Variants in GALNTL6 observed in about 807,000 individuals in gnomAD.
GALNTL6 encodes polypeptide N-acetylgalactosaminyltransferase like 6.
In GALNTL6, 46 loss-of-function variants were observed where a neutral mutation model predicts 73.7. That is an observed-to-expected ratio of 0.62 (90% CI 0.49 to 0.80). The LOEUF (loss-of-function observed/expected upper bound fraction) is 0.80. GALNTL6 is among the 30% of genes least tolerant of loss of function. The pLI is 0.00. For synonymous variants in GALNTL6, 259 were observed against 263.7 expected (o/e 0.98, Z 0.17); for missense variants, 604 against 755.0 (o/e 0.80, Z 2.34).
intron 2 of GALNTL6, among the ~76,000 whole-genome samples, chr4:171,868,041 C>T (rs1283515331): frequency 1.4e-5 from 2 of 147,348 alleles, no homozygotes; most frequent in Admixed American, 6.9e-5. Flanking sequence ...GGCTGGAGTG[C>T]AGTGGCATGA....
At chr4:172,278,892 T>C (rs529560396) in intron 3 of GALNTL6, among the ~76,000 whole-genome samples, 1 of 152,218 alleles carries the variant, frequency 6.6e-6, no homozygotes, top group Admixed American at 6.5e-5. Flanking sequence ...TGGACTGCAA[T>C]AGAGTCCAGA....
At chr4:172,958,683 A>T (rs1749880837) in intron 10 of GALNTL6, among the ~76,000 whole-genome samples, 1 of 152,176 alleles carries the variant, frequency 6.6e-6, no homozygotes, top group Non-Finnish European at 1.5e-5. Flanking sequence ...TAGGTAACAG[A>T]TGAGGAAGAA....
At chr4:172,253,015 G>A (rs982716554) in intron 3 of GALNTL6, among the ~76,000 whole-genome samples, 2 of 152,082 alleles carry the variant, frequency 1.3e-5, no homozygotes, top group Admixed American at 1.3e-4. Context: ...TACAAAAGCT[G>A]CACTTTTCTG....
intron 5 of GALNTL6, among the ~76,000 whole-genome samples, chr4:172,410,974 G>A (rs559597158): frequency 2.2e-4 from 33 of 152,064 alleles, no homozygotes; most frequent in African/African-American, 8.0e-4. Flanking sequence ...TTCACTTTAG[G>A]CAAAACAAGC....
intron 6 of GALNTL6, among the ~76,000 whole-genome samples, chr4:172,812,695 G>C (rs763141771): frequency 6.6e-6 from 1 of 152,078 alleles, no homozygotes; most frequent in Non-Finnish European, 1.5e-5. Context: ...TTGTTAAGCA[G>C]AGGTTGCATC....
chr4:172,647,440 G>A (rs1740290003), intron 5 of GALNTL6, among the ~76,000 whole-genome samples: 1 of 152,082 alleles, frequency 6.6e-6, no homozygotes, highest in Non-Finnish European at 1.5e-5. Context: ...GTTGGGATAG[G>A]TGAGAGCAGG....
chr4:171,895,277 G>C (rs1736874850), intron 2 of GALNTL6, among the ~76,000 whole-genome samples: 1 of 152,146 alleles, frequency 6.6e-6, no homozygotes. Context: ...CTGGGAGTAG[G>C]GACTGTTAGC....
chr4:171,983,561 G>T (rs757168903), intron 2 of GALNTL6, among the ~76,000 whole-genome samples: 1 of 151,684 alleles, frequency 6.6e-6, no homozygotes, highest in African/African-American at 2.4e-5. Context: ...GTGCCATCAC[G>T]GCTCATTATA....
intron 2 of GALNTL6, among the ~76,000 whole-genome samples, chr4:172,154,410 G>A (rs1579190522): frequency 6.6e-6 from 1 of 151,942 alleles, no homozygotes; most frequent in East Asian, 1.9e-4. Flanking sequence ...TTTTGTATTT[G>A]TAGTAGAGAC....
chr4:172,400,984 G>C (rs992135380), intron 5 of GALNTL6, among the ~76,000 whole-genome samples: 1 of 152,016 alleles, frequency 6.6e-6, no homozygotes, highest in Non-Finnish European at 1.5e-5. Flanking sequence ...TGAGACAATC[G>C]GAGACTAAAT....
At chr4:172,659,266 T>C (rs1479824658) in intron 5 of GALNTL6, among the ~76,000 whole-genome samples, 1 of 152,148 alleles carries the variant, frequency 6.6e-6, no homozygotes, top group African/African-American at 2.4e-5. Context: ...CTGTTGAACA[T>C]ATTTATAGGG....
chr4:173,035,471 C>T (rs976706702), intron 12 of GALNTL6, among the ~76,000 whole-genome samples: 2 of 152,210 alleles, frequency 1.3e-5, no homozygotes, highest in Admixed American at 6.5e-5. Context: ...AGCCACCGCG[C>T]CTGGCCTACT....
intron 3 of GALNTL6, among the ~76,000 whole-genome samples, chr4:172,305,164 G>T (rs1740083791): frequency 6.6e-6 from 1 of 151,986 alleles, no homozygotes; most frequent in African/African-American, 2.4e-5. Context: ...AAATTGGTAG[G>T]TGTGCCAATG....
At chr4:172,547,048 A>G (rs1477003353) in intron 5 of GALNTL6, among the ~76,000 whole-genome samples, 8 of 151,548 alleles carry the variant, frequency 5.3e-5, no homozygotes, top group Non-Finnish European at 1.2e-4. Context: ...CTCGGTCTCT[A>G]AGAATTTGAC....
intron 5 of GALNTL6, among the ~76,000 whole-genome samples, chr4:172,643,703 C>T (rs1371330238): frequency 2.0e-5 from 3 of 151,866 alleles, no homozygotes; most frequent in African/African-American, 7.3e-5. Flanking sequence ...TTTTGTTAAC[C>T]ATTTTCTGTA....
chr4:172,736,347 T>C (rs186684328), intron 5 of GALNTL6, among the ~76,000 whole-genome samples: 1 of 152,342 alleles, frequency 6.6e-6, no homozygotes, highest in East Asian at 1.9e-4. Context: ...GAAAAAGAAT[T>C]CAGTGATATT....
At chr4:172,032,560 T>G (rs1205630737) in intron 2 of GALNTL6, among the ~76,000 whole-genome samples, 1 of 152,034 alleles carries the variant, frequency 6.6e-6, no homozygotes, top group Non-Finnish European at 1.5e-5. Flanking sequence ...ACAAAATTTG[T>G]CTGTATAAAC....
intron 2 of GALNTL6, among the ~76,000 whole-genome samples, chr4:172,219,119 T>TA (rs60511127): frequency 0.39 from 55,540 of 143,862 alleles, 10,943 homozygotes; most frequent in African/African-American, 0.41. Context: ...AAATATATGT[T>TA]AAAAAAAAGC....
intron 5 of GALNTL6, among the ~76,000 whole-genome samples, chr4:172,500,913 A>G (rs1269794467): frequency 1.3e-5 from 2 of 152,236 alleles, no homozygotes; most frequent in Non-Finnish European, 2.9e-5. Context: ...GGGAGGTTAA[A>G]GAGACCTAAA....
Sources: allele counts gnomAD v4.1 joint callset (sites outside exome capture counted in the v4.1 genomes callset), GRCh38; gene constraint gnomAD v4.1.1; transcripts MANE v1.5; gene names NCBI Gene and HGNC (gene_info 2026-07-23, HGNC 2026-07-21).